The following MAP3K15 variants were observed in gnomAD, a reference collection of about 807,000 sequenced individuals.
MAP3K15 encodes MAPK/ERK kinase kinase 15.
In MAP3K15, 124 loss-of-function variants were observed where a neutral mutation model predicts 99.5. That is an observed-to-expected ratio of 1.25 (90% CI 1.08 to 1.45). The LOEUF (loss-of-function observed/expected upper bound fraction) is 1.45, where lower values mean the gene tolerates loss of function less well. Ranked by LOEUF, MAP3K15 falls within the 40% of genes most tolerant of loss-of-function variation. MAP3K15 has a pLI of 0.00. For synonymous variants in MAP3K15, 494 were observed against 439.6 expected (o/e 1.12, Z -1.55); for missense variants, 1,242 against 1,079.7 (o/e 1.15, Z -2.11).
At position 19,374,671 on chromosome X, in the gene MAP3K15, G is replaced by A. The variant is rs184050344; in HGVS notation, c.2590-11C>T. ...CTTAAACATGCCCACCTGCATTTAA[G>A]GGAGAGGTAACCGATGTGTCAGTGA... On this transcript the variant is annotated splice_polypyrimidine_tract_variant and intron_variant, in intron 19 of 28. Transcript: ENST00000338883. 3.6e-4 allele frequency: 427 copies of A among 1,202,186 alleles called. 1 individual carries two copies. The African/African-American group carries it at 6.0e-3, about 17-fold the overall frequency.
intron 15 of MAP3K15, among the ~76,000 whole-genome samples, chrX:19,395,733 C>T (rs1024385810): frequency 5.4e-5 from 6 of 111,946 alleles, no homozygotes; most frequent in Non-Finnish European, 9.4e-5. Flanking sequence ...TTAAAACACA[C>T]ACTTCACCAC....
chrX:19,441,772 G>A (rs1446116300), intron 6 of MAP3K15, among the ~76,000 whole-genome samples: 2 of 111,856 alleles, frequency 1.8e-5, no homozygotes, highest in Non-Finnish European at 3.8e-5. Flanking sequence ...TGGGTTAATT[G>A]TATGGTATGA....
At chrX:19,361,133 G>A in intron 28 of MAP3K15, 1 of 425,044 alleles carries the variant, frequency 2.4e-6, no homozygotes, top group Non-Finnish European at 4.0e-6. Flanking sequence ...TTAATGGCAG[G>A]AGATTGGCCA....
chrX:19,485,635 G>C (rs894309383), intron 3 of MAP3K15, among the ~76,000 whole-genome samples: 5 of 111,015 alleles, frequency 4.5e-5, no homozygotes, highest in Non-Finnish European at 9.4e-5. Context: ...GCGCCCAGGG[G>C]AAAGCTTTGC....
In MAP3K15 at chrX:19,380,150, C is replaced by T. The variant is rs1265339296; in HGVS notation, c.2559G>A (p.Glu853=). The T allele has an allele frequency of 2.5e-6, 3 of 1,198,689 alleles. No individual in the cohort carries two copies. Among genetic ancestry groups the T allele is most frequent in the African/African-American group, 1.7e-5 (1 of 57,481 alleles). ...ACATGGCTGCCTGCGGCTCACCAAG[C>T]TCATGGAACGGAGGCTTGCTGGTGG... ...EMATSKPPFH[E]LGEPQAAMFK... Residue 853 remains glutamate, a synonymous_variant, in exon 19 of 29, where the codon GAG becomes GAA. Transcript: ENST00000338883.
At chrX:19,456,359 G>A (rs1297642364) in intron 6 of MAP3K15, among the ~76,000 whole-genome samples, 1 of 111,533 alleles carries the variant, frequency 9.0e-6, no homozygotes, top group Non-Finnish European at 1.9e-5. Context: ...CGAACACGAC[G>A]ATGAATGACA....
At chrX:19,415,705 A>C (rs12013914) in intron 9 of MAP3K15, among the ~76,000 whole-genome samples, 12,380 of 110,461 alleles carry the variant, frequency 0.11, 1,795 homozygotes, top group African/African-American at 0.39. Context: ...ATAAACTGTG[A>C]AGCCTAGAAA....
chrX:19,506,368 C>A (rs770564066), intron 1 of MAP3K15, among the ~76,000 whole-genome samples: 14 of 111,910 alleles, frequency 1.3e-4, no homozygotes, highest in African/African-American at 3.6e-4. Context: ...CCACACCTGG[C>A]AACAGCACAA....
intron 1 of MAP3K15, among the ~76,000 whole-genome samples, chrX:19,492,478 T>C: frequency 9.0e-6 from 1 of 111,304 alleles, no homozygotes; most frequent in East Asian, 2.8e-4. Flanking sequence ...TTAGAGGTCA[T>C]CTACTAATGA....
rs1434339863 is a variant in MAP3K15, at chrX:19,360,705, A to T, written c.*44T>A. ...ACACTAACAGAAGCTTTAACAAAAC[A>T]TGTAGCGTGGTGGGACACTCTGCCA... On this transcript the variant is annotated 3_prime_UTR_variant, in exon 29 of 29. Coordinates refer to ENST00000338883, the MANE Select transcript of MAP3K15 (RefSeq NM_001001671.4). 7.8e-6 allele frequency: 8 copies of T among 1,019,869 alleles called. No homozygotes were observed. The East Asian group carries it at 1.8e-4, about 23-fold the overall frequency. The allele number at this position is 1,019,869 out of a possible 1,213,427, so 84.0% of individuals were successfully genotyped here.
chrX:19,421,753 G>A (rs1325224066), intron 9 of MAP3K15, among the ~76,000 whole-genome samples: 1 of 108,978 alleles, frequency 9.2e-6, no homozygotes, highest in Non-Finnish European at 1.9e-5. Flanking sequence ...CAAAGCTGGA[G>A]GCATCACACT....
intron 6 of MAP3K15, among the ~76,000 whole-genome samples, chrX:19,433,274 G>A (rs2063897635): frequency 9.0e-6 from 1 of 111,541 alleles, no homozygotes; most frequent in Non-Finnish European, 1.9e-5. Context: ...GTATGTCTAT[G>A]AGGGTGTTTC....
chrX:19,480,362 G>A (rs762392294), intron 3 of MAP3K15, among the ~76,000 whole-genome samples: 103 of 110,971 alleles, frequency 9.3e-4, no homozygotes, highest in African/African-American at 3.3e-3. Flanking sequence ...TAGAGGATTC[G>A]CACTTCCAAA....
intron 10 of MAP3K15, among the ~76,000 whole-genome samples, chrX:19,414,532 G>C (rs1035730159): frequency 2.1e-4 from 24 of 112,136 alleles, no homozygotes; most frequent in African/African-American, 7.8e-4. Flanking sequence ...CTCTAAGACG[G>C]TCATAACATT....
intron 6 of MAP3K15, among the ~76,000 whole-genome samples, chrX:19,454,672 G>A (rs1343393538): frequency 8.9e-6 from 1 of 111,864 alleles, no homozygotes; most frequent in Admixed American, 9.5e-5. Flanking sequence ...CCTTCATGCA[G>A]GAAAACTCAT....
chrX:19,378,891 G>A (rs1168827223), intron 19 of MAP3K15, among the ~76,000 whole-genome samples: 4 of 111,190 alleles, frequency 3.6e-5, no homozygotes, highest in Non-Finnish European at 7.5e-5. Flanking sequence ...CTGTTAGCTC[G>A]GGGAGGGTTG....
chrX:19,393,256 A>G (rs746135665), intron 16 of MAP3K15, among the ~76,000 whole-genome samples: 6 of 111,320 alleles, frequency 5.4e-5, no homozygotes, highest in Admixed American at 2.9e-4. Flanking sequence ...TTCCCCATCT[A>G]TAAAAGGGGA....
intron 3 of MAP3K15, among the ~76,000 whole-genome samples, chrX:19,465,155 A>G (rs1187623527): frequency 2.7e-5 from 3 of 111,094 alleles, no homozygotes; most frequent in Non-Finnish European, 3.8e-5. Context: ...CAACCTCCCA[A>G]AGTGCTGGGA....
At chrX:19,413,529 AGGAGGCGG>A in intron 10 of MAP3K15, 65 bp from the exon 11 acceptor site, 2 of 865,033 alleles carry the variant, frequency 2.3e-6, no homozygotes, top group Non-Finnish European at 3.3e-6. Flanking sequence ...CTGCCCAGCG[AGGAGGCGG>A]GGAGGTCCGT....
Sources: allele counts gnomAD v4.1 joint callset (sites outside exome capture counted in the v4.1 genomes callset), GRCh38; gene constraint gnomAD v4.1.1; transcripts MANE v1.5; gene names NCBI Gene and HGNC (gene_info 2026-07-23, HGNC 2026-07-21).